CDH13: variants seen among roughly 807,000 people sequenced by gnomAD.
CDH13 encodes cadherin-13.
In CDH13, 24 loss-of-function variants were observed where a neutral mutation model predicts 63.8. That is an observed-to-expected ratio of 0.38 (90% CI 0.27 to 0.53). The LOEUF (loss-of-function observed/expected upper bound fraction) is 0.53. Ranked by LOEUF, CDH13 falls within the 20% of genes least tolerant of loss-of-function variation. The probability of loss-of-function intolerance (pLI) is 0.85; values close to 1 mark genes in which losing one functional copy is unlikely to be tolerated. For missense variants in CDH13, 1,049 were observed against 903.1 expected (o/e 1.16, Z -2.07); for synonymous variants, 503 against 355.3 (o/e 1.42, Z -4.67).
At chr16:82,729,045 C>A (rs1345533018) in intron 1 of CDH13, among the ~76,000 whole-genome samples, 3 of 152,158 alleles carry the variant, frequency 2.0e-5, no homozygotes, top group Non-Finnish European at 4.4e-5. Flanking sequence ...TCAGTCACAT[C>A]TTCAGGCTCT....
chr16:83,760,553 C>G (rs565722702), intron 11 of CDH13, among the ~76,000 whole-genome samples: 1 of 152,190 alleles, frequency 6.6e-6, no homozygotes, highest in South Asian at 2.1e-4. Context: ...GTGAATCTCA[C>G]AAACATAGTG....
chr16:83,586,171 C>T (rs1435747748), intron 7 of CDH13, among the ~76,000 whole-genome samples: 2 of 152,348 alleles, frequency 1.3e-5, no homozygotes, highest in South Asian at 4.1e-4. Flanking sequence ...CGATGACCAC[C>T]TGTGGACTGC....
At chr16:82,709,163 G>C (rs1171294926) in intron 1 of CDH13, among the ~76,000 whole-genome samples, 3 of 152,180 alleles carry the variant, frequency 2.0e-5, no homozygotes, top group Non-Finnish European at 4.4e-5. Context: ...ATGAAGATGA[G>C]TCTTTGAATA....
At chr16:82,712,546 C>T (rs2032027875) in intron 1 of CDH13, among the ~76,000 whole-genome samples, 1 of 152,196 alleles carries the variant, frequency 6.6e-6, no homozygotes, top group African/African-American at 2.4e-5. Context: ...ACTCACTACC[C>T]TGTGCCCCAC....
At chr16:83,686,419 A>T (rs1904319909) in intron 10 of CDH13, among the ~76,000 whole-genome samples, 1 of 152,220 alleles carries the variant, frequency 6.6e-6, no homozygotes. Flanking sequence ...GGCCTACAAA[A>T]ATGTCAGGGA....
chr16:82,799,725 GA>G (rs569829413), intron 1 of CDH13, among the ~76,000 whole-genome samples: 1 of 152,122 alleles, frequency 6.6e-6, no homozygotes. Context: ...TTTACAAATA[GA>G]AAAAAATATA....
chr16:82,816,609 C>T (rs1277229587), intron 1 of CDH13, among the ~76,000 whole-genome samples: 2 of 151,952 alleles, frequency 1.3e-5, no homozygotes, highest in Non-Finnish European at 2.9e-5. Flanking sequence ...TATAAAAATC[C>T]TGAGAATGGA....
At chr16:82,705,697 G>A (rs982365821) in intron 1 of CDH13, among the ~76,000 whole-genome samples, 4 of 151,998 alleles carry the variant, frequency 2.6e-5, no homozygotes, top group African/African-American at 9.7e-5. Flanking sequence ...TGAAATTTTA[G>A]AGACTTAAAA....
intron 5 of CDH13, among the ~76,000 whole-genome samples, chr16:83,235,597 T>TTTC (rs1555517043): frequency 1.5e-4 from 23 of 151,112 alleles, no homozygotes; most frequent in African/African-American, 5.3e-4. Context: ...TTTTTTTTTT[T>TTTC]CTCATTGCAG....
chr16:82,710,116 A>G (rs931430822), intron 1 of CDH13, among the ~76,000 whole-genome samples: 5 of 148,056 alleles, frequency 3.4e-5, no homozygotes, highest in African/African-American at 1.2e-4. Flanking sequence ...AATATATTAT[A>G]TAGATTTAAT....
At chr16:83,344,053 C>T (rs561299831) in intron 5 of CDH13, among the ~76,000 whole-genome samples, 3 of 152,214 alleles carry the variant, frequency 2.0e-5, no homozygotes, top group Admixed American at 2.0e-4. Flanking sequence ...ATGCAGATGC[C>T]CTTTTCTGAT....
At chr16:82,833,942 G>C (rs117407297) in intron 1 of CDH13, among the ~76,000 whole-genome samples, 2,351 of 152,264 alleles carry the variant, frequency 0.015, 35 homozygotes, top group Middle Eastern at 0.024. Flanking sequence ...CCTTTCTCGA[G>C]AAATGTATTA....
At chr16:83,147,727 A>C (rs1379045619) in intron 4 of CDH13, among the ~76,000 whole-genome samples, 1 of 151,882 alleles carries the variant, frequency 6.6e-6, no homozygotes, top group Non-Finnish European at 1.5e-5. Context: ...AGGTTGCTAC[A>C]CATTCCCCTA....
At chr16:82,944,163 A>T (rs543733405) in intron 2 of CDH13, among the ~76,000 whole-genome samples, 1 of 152,338 alleles carries the variant, frequency 6.6e-6, no homozygotes, top group Non-Finnish European at 1.5e-5. Context: ...TGAGAATACA[A>T]GGCAAACCAC....
At chr16:82,650,644 A>G (rs1339960165) in intron 1 of CDH13, among the ~76,000 whole-genome samples, 2 of 152,100 alleles carry the variant, frequency 1.3e-5, no homozygotes, top group African/African-American at 4.8e-5. Flanking sequence ...CTCTCCTCCC[A>G]CATCCCCCTA....
intron 11 of CDH13, among the ~76,000 whole-genome samples, chr16:83,755,730 T>A: frequency 6.9e-6 from 1 of 144,600 alleles, no homozygotes; most frequent in African/African-American, 2.5e-5. Context: ...AAAATCAAGG[T>A]GAATTAAAGA....
At chr16:83,109,438 T>C (rs2034954594) in intron 3 of CDH13, among the ~76,000 whole-genome samples, 1 of 151,972 alleles carries the variant, frequency 6.6e-6, no homozygotes, top group South Asian at 2.1e-4. Context: ...ATATGTTGAG[T>C]TTTAGGTGCC....
At chr16:82,742,424 G>A (rs896782010) in intron 1 of CDH13, among the ~76,000 whole-genome samples, 5 of 152,044 alleles carry the variant, frequency 3.3e-5, no homozygotes, top group Non-Finnish European at 5.9e-5. Context: ...TTATGATACA[G>A]TAACTTGTAC....
chr16:82,848,549 C>T (rs1436447091), intron 1 of CDH13, among the ~76,000 whole-genome samples: 2 of 149,932 alleles, frequency 1.3e-5, no homozygotes, highest in African/African-American at 4.9e-5. Context: ...TGATCAGTGA[C>T]CTTTGATGTT....
Sources: allele counts gnomAD v4.1 joint callset (sites outside exome capture counted in the v4.1 genomes callset), GRCh38; gene constraint gnomAD v4.1.1; transcripts MANE v1.5; gene names NCBI Gene and HGNC (gene_info 2026-07-23, HGNC 2026-07-21).